EPS8L1: variants seen among roughly 807,000 people sequenced by gnomAD.
EPS8L1 encodes the protein EPS8 signaling adaptor L1.
Under a neutral mutation model 91.7 loss-of-function variants are expected in EPS8L1, and 101 were observed. That is an observed-to-expected ratio of 1.10 (90% CI 0.94 to 1.30). The LOEUF (loss-of-function observed/expected upper bound fraction) is 1.30, where lower values mean the gene tolerates loss of function less well. Among genes scored for constraint, EPS8L1 ranks in the 50% most tolerant of loss-of-function variants. EPS8L1 has a pLI of 0.00. For missense variants in EPS8L1, 1,114 were observed against 1,017.0 expected (o/e 1.10, Z -1.30); for synonymous variants, 506 against 445.3 (o/e 1.14, Z -1.72).
intron 12 of EPS8L1, 28 bp downstream of exon 12, chr19:55,082,630 G>T (rs771292886): frequency 1.1e-5 from 17 of 1,541,450 alleles, no homozygotes; most frequent in East Asian, 7.3e-5. Context: ...GAGGCAGGGG[G>T]CATGGTGATT....
At chr19:55,077,908 G>A (rs1238736191) in intron 2 of EPS8L1, among the ~76,000 whole-genome samples, 180 bp from the exon 3 acceptor site, 1 of 149,144 alleles carries the variant, frequency 6.7e-6, no homozygotes, top group Admixed American at 6.7e-5. Context: ...TTAAAGTCCA[G>A]CTCTGGCTCT....
chr19:55,077,664 C>T (rs1356748426), intron 2 of EPS8L1, among the ~76,000 whole-genome samples: 1 of 143,018 alleles, frequency 7.0e-6, no homozygotes, highest in African/African-American at 2.6e-5. Flanking sequence ...TCTGGACTCA[C>T]TGCAACCTCC....
rs1185959869 is a variant in EPS8L1 at position 55,082,019 on chromosome 19, G to A, written c.902-73G>A. The stretch of plus-strand genomic sequence containing the variant: ...GGCTGACCTCACCGCCATCTTAACC[G>A]GGTGTCCACCTCTCTCTGCCTGCCT... On this transcript the variant is annotated intron_variant, in intron 9 of 19. Coordinates refer to ENST00000201647, the MANE Select transcript of EPS8L1 (RefSeq NM_133180.3). The A allele has an allele frequency of 1.0e-5, 16 of 1,550,796 alleles. No homozygotes were observed. In the Admixed American group the frequency reaches 1.6e-4, roughly 15 times the overall value.
In EPS8L1 at chr19:55,079,064, C is replaced by T; in HGVS notation, c.117+7C>T. 7 of 1,613,996 alleles carry T rather than the reference C, an allele frequency of 4.3e-6. No homozygotes were observed. Among genetic ancestry groups the T allele is most frequent in the Non-Finnish European group, 3.4e-6 (4 of 1,179,910 alleles). On this transcript the variant is annotated splice_region_variant and intron_variant, in intron 4 of 19. Coordinates refer to ENST00000201647, the MANE Select transcript of EPS8L1 (RefSeq NM_133180.3). Reference sequence around the variant, plus strand: ...ATCCCAGTACCCAGTCAATGTGAGTCTGGGGTCTGTGTTCCCCCAGGACAT... The same window carrying T: ...ATCCCAGTACCCAGTCAATGTGAGTTTGGGGTCTGTGTTCCCCCAGGACAT...
At position 55,081,512 on chromosome 19, in the gene EPS8L1, G is replaced by A. The variant is rs1161181237; in HGVS notation, c.774+20G>A. 8 of 1,550,904 alleles carry A rather than the reference G, an allele frequency of 5.2e-6. No homozygotes were observed. The highest frequency in any genetic ancestry group is 1.9e-5 in the Admixed American group (1 of 51,436). On this transcript the variant is annotated intron_variant, in intron 8 of 19. Coordinates refer to ENST00000201647, the MANE Select transcript of EPS8L1 (RefSeq NM_133180.3). The surrounding 1 kb of genome is among the most constrained non-coding windows in gnomAD (Gnocchi z 4.9). ...GAAGTGGTGAGCCGCTAAGGAAGGG[G>A]TCTGGGGGCAGGGCCAGGCGACTGG...
intron 7 of EPS8L1, 26 bp downstream of exon 7, chr19:55,080,880 C>T (rs1400390896): frequency 1.3e-5 from 21 of 1,579,142 alleles, no homozygotes; most frequent in Admixed American, 1.8e-5. Flanking sequence ...TTGGCAGGGT[C>T]TCTGGGAAGC....
Position 55,080,186 on chromosome 19 carries a change from C to G in EPS8L1, c.337C>G (p.Pro113Ala), listed in dbSNP as rs2076223377. The G allele has an allele frequency of 6.5e-7, 1 of 1,534,198 alleles. No homozygotes were observed. Among genetic ancestry groups the G allele is most frequent in the East Asian group, 2.5e-5 (1 of 40,512 alleles). ...CGTGCGCTGTGACGCGGTGATGCCA[C>G]CCGGCAGGAGCCGCTCGTTGCTGCT... ...AIVRCDAVMP[P>A]GRSRSLLLLV... is the part of the protein sequence containing the mutation. Residue 113 changes from proline to alanine, a missense_variant, in exon 6 of 20, where the codon CCC becomes GCC. Coordinates refer to ENST00000201647, the MANE Select transcript of EPS8L1 (RefSeq NM_133180.3).
chr19:55,080,684 G>A, intron 6 of EPS8L1, 88 bp from the exon 7 acceptor site: 3 of 1,570,624 alleles, frequency 1.9e-6, no homozygotes, highest in Non-Finnish European at 2.6e-6. Flanking sequence ...CGTGGGCTGG[G>A]ACTGAGCTGA....
In EPS8L1 at chr19:55,081,310, G is replaced by C; in HGVS notation, c.592G>C (p.Ala198Pro). The C allele has an allele frequency of 1.3e-6, 2 of 1,553,248 alleles. No individual in the cohort carries two copies. The highest frequency in any genetic ancestry group is 1.7e-6 in the Non-Finnish European group (2 of 1,155,854). The change falls in exon 8 of 20, where the codon GCA becomes CCA. Residue 198 changes from alanine (A) to proline (P), a missense_variant. Ala to Pro is a conservative substitution (Grantham distance 27). Transcript: ENST00000201647. This position sits in a 1 kb window ranked among gnomAD's most constrained non-coding sequence, Gnocchi z 4.9. The stretch of plus-strand genomic sequence containing the variant: ...CCTGCAGCGCCGCCCGTCAGTCCGC[G>C]CAGTGATCAGCACCGTAGAGCGGGG... Reference protein sequence around the residue: ...PPLQRRPSVRAVISTVERGAG... With the variant: ...PPLQRRPSVRPVISTVERGAG...
At position 55,086,705 on chromosome 19, in the gene EPS8L1, C is replaced by T; in HGVS notation, c.1778-9C>T. On this transcript the variant is annotated splice_polypyrimidine_tract_variant and intron_variant, in intron 17 of 19. Transcript: ENST00000201647. ...CCGCACTCCCTACCTCCCGGTTTCC[C>T]GCCTGCAGAGAAATTCTCCCAGATG... The T allele has an allele frequency of 3.7e-6, 6 of 1,608,532 alleles. No individual in the cohort carries two copies. The highest frequency in any genetic ancestry group is 2.2e-5 in the South Asian group (2 of 90,426).
In EPS8L1 at chr19:55,081,703, G is replaced by A; in HGVS notation, c.775-70G>A. ...ATCTGGGGAAGTGTATAGGTGCTCAGGTTCAGGGCTTCGACGGGGATGGTT... is the reference window on the plus strand; with the variant it reads ...ATCTGGGGAAGTGTATAGGTGCTCAAGTTCAGGGCTTCGACGGGGATGGTT... On this transcript the variant is annotated intron_variant, in intron 8 of 19. Coordinates refer to ENST00000201647, the MANE Select transcript of EPS8L1 (RefSeq NM_133180.3). The surrounding 1 kb of genome is among the most constrained non-coding windows in gnomAD (Gnocchi z 4.9). The A allele has an allele frequency of 6.5e-7, 1 of 1,547,184 alleles. No homozygotes were observed. Among genetic ancestry groups the A allele is most frequent in the Non-Finnish European group, 8.7e-7 (1 of 1,145,192 alleles).
At chr19:55,079,477 T>TC in intron 4 of EPS8L1, 1 of 619,146 alleles carries the variant, frequency 1.6e-6, no homozygotes, top group East Asian at 2.8e-5. Context: ...GAGCCTCCAG[T>TC]CTGTGAGAAG....
rs1009493951 is a variant in EPS8L1 at position 55,080,007 on chromosome 19, G to A, written c.280-122G>A. 4 of 1,436,136 alleles carry A rather than the reference G, an allele frequency of 2.8e-6. No homozygotes were observed. The African/African-American group carries it at 5.7e-5, about 21-fold the overall frequency. 89.0% of individuals were successfully genotyped at this position (1,436,136 alleles called of 1,614,324 possible). On this transcript the variant is annotated intron_variant, in intron 5 of 19. Coordinates refer to ENST00000201647, the MANE Select transcript of EPS8L1 (RefSeq NM_133180.3). ...TTAATAGCCTCATCTATTAAACAGGGCTGTTATCCCTAACCCCCTAACCGC... is the reference window on the plus strand; with the variant it reads ...TTAATAGCCTCATCTATTAAACAGGACTGTTATCCCTAACCCCCTAACCGC...
Position 55,086,534 on chromosome 19 carries a change from G to A in EPS8L1, c.1777+16G>A, listed in dbSNP as rs1256793578. On this transcript the variant is annotated intron_variant, in intron 17 of 19. Transcript: ENST00000201647. ...AGCGAGAAGGGTGAGTGGTGGGGAC[G>A]CCGGCTGCGGGGAGCGGTCCTTATC... The A allele has an allele frequency of 1.3e-6, 2 of 1,550,266 alleles. No homozygotes were observed. Among genetic ancestry groups the A allele is most frequent in the Admixed American group, 2.0e-5 (1 of 50,948 alleles).
Position 55,079,101 on chromosome 19 carries a change from A to G in EPS8L1, c.117+44A>G, listed in dbSNP as rs374774654. The G allele has an allele frequency of 1.0e-4, 168 of 1,606,202 alleles. No individual in the cohort carries two copies. The African/African-American group carries it at 2.1e-3, about 20-fold the overall frequency. ...TTCCCCCAGGACATCTTCTGGGGCA[A>G]AGGTGGCCTCAGGAGATAGGGCTTT... On this transcript the variant is annotated intron_variant, in intron 4 of 19. Coordinates refer to ENST00000201647, the MANE Select transcript of EPS8L1 (RefSeq NM_133180.3).
At position 55,085,727 on chromosome 19, in the gene EPS8L1, C is replaced by A. The variant is rs545090702; in HGVS notation, c.1386-114C>A. 3.5e-5 allele frequency: 43 copies of A among 1,226,596 alleles called. No homozygotes were observed. In the East Asian group the frequency reaches 7.5e-4, roughly 21 times the overall value. The allele number at this position is 1,226,596 out of a possible 1,614,324, so 76.0% of individuals were successfully genotyped here. On this transcript the variant is annotated intron_variant, in intron 14 of 19. Coordinates refer to ENST00000201647, the MANE Select transcript of EPS8L1 (RefSeq NM_133180.3). ...CAAATTTCTATTAACAGTATTAACCCGGCCCCTGCTGTGCCCCCAGCTTGG... is the reference window on the plus strand; with the variant it reads ...CAAATTTCTATTAACAGTATTAACCAGGCCCCTGCTGTGCCCCCAGCTTGG...
rs1447943097 is a variant in EPS8L1 at position 55,081,035 on chromosome 19, C to T, written c.512+181C>T. 13 of 918,262 alleles carry T rather than the reference C, an allele frequency of 1.4e-5. No homozygotes were observed. The highest frequency in any genetic ancestry group is 2.1e-5 in the Non-Finnish European group (13 of 626,730). 56.9% of individuals were successfully genotyped at this position (918,262 alleles called of 1,614,324 possible). A position where few individuals can be genotyped will look rare whatever the true frequency, so the allele number is the denominator to read the frequency against. On this transcript the variant is annotated intron_variant, in intron 7 of 19. Coordinates refer to ENST00000201647, the MANE Select transcript of EPS8L1 (RefSeq NM_133180.3). The surrounding 1 kb of genome is among the most constrained non-coding windows in gnomAD (Gnocchi z 4.9). ...TTCTCCAGAACTCTGCTTCTTTTCT[C>T]TGTTCCCTGTCCAGGCCCTCAGTTT... is the stretch of plus-strand genomic sequence containing the variant.
At chr19:55,076,848 T>C (rs2076143778) in intron 2 of EPS8L1, among the ~76,000 whole-genome samples, 3 of 152,234 alleles carry the variant, frequency 2.0e-5, no homozygotes, top group Non-Finnish European at 1.5e-5. Context: ...TAGGAGTCGC[T>C]ATTGCGATTG....
In EPS8L1 at chr19:55,083,664, C is replaced by A. The variant is rs927129610; in HGVS notation, c.1385+20C>A. The stretch of plus-strand genomic sequence containing the variant: ...CAATGGGTGAGTGTCCGCCCCAGGG[C>A]AGGGCAAGGGGGTCAAGGAGGGGTG... On this transcript the variant is annotated intron_variant, in intron 14 of 19. Transcript: ENST00000201647. The surrounding 1 kb of genome is among the most constrained non-coding windows in gnomAD (Gnocchi z 4.7). The A allele has an allele frequency of 1.3e-6, 2 of 1,588,008 alleles. No homozygotes were observed. Among genetic ancestry groups the A allele is most frequent in the Non-Finnish European group, 1.7e-6 (2 of 1,167,650 alleles).
Sources: allele counts gnomAD v4.1 joint callset (sites outside exome capture counted in the v4.1 genomes callset), GRCh38; gene constraint gnomAD v4.1.1; non-coding constraint Gnocchi (gnomAD v3.1); transcripts MANE v1.5; gene names NCBI Gene and HGNC (gene_info 2026-07-23, HGNC 2026-07-21).